DGLUCY: variants seen among roughly 807,000 people sequenced by gnomAD.
DGLUCY encodes D-glutamate cyclase, mitochondrial.
In DGLUCY, 58 loss-of-function variants were observed where a neutral mutation model predicts 58.5. The ratio of observed to expected loss-of-function variants is 0.99; its 90% CI spans 0.80 to 1.23. DGLUCY has a LOEUF of 1.23. DGLUCY is among the 50% of genes most tolerant of loss of function. The pLI is 0.00. For missense variants in DGLUCY, 779 were observed against 784.7 expected (o/e 0.99, Z 0.09); for synonymous variants, 325 against 314.1 (o/e 1.03, Z -0.37).
rs1367144932 is a variant in DGLUCY, at chr14:91,167,209, C to G, written c.104-16C>G. 2 of 1,565,644 alleles carry G rather than the reference C, an allele frequency of 1.3e-6. No homozygotes were observed. The highest frequency in any genetic ancestry group is 1.2e-5 in the South Asian group (1 of 84,198). On this transcript the variant is annotated splice_polypyrimidine_tract_variant and intron_variant, in intron 3 of 13. Coordinates refer to ENST00000256324, the MANE Select transcript of DGLUCY (RefSeq NM_001102368.3). ...ACCGCTGACTATACATTTTTCCCTT[C>G]TCCCACCATACCCAGAGCTCCGACC... is the stretch of plus-strand genomic sequence containing the variant.
At chr14:91,177,513 C>G (rs1566985827) in intron 7 of DGLUCY, among the ~76,000 whole-genome samples, 1 of 152,028 alleles carries the variant, frequency 6.6e-6, no homozygotes, top group South Asian at 2.1e-4. Flanking sequence ...TTTCCAAGGC[C>G]TAGGTGATAT....
chr14:91,123,623 G>A (rs2045516326), intron 1 of DGLUCY, among the ~76,000 whole-genome samples: 1 of 152,076 alleles, frequency 6.6e-6, no homozygotes, highest in Non-Finnish European at 1.5e-5. Context: ...GTCTCACTTT[G>A]TCCCTCAGGC....
intron 1 of DGLUCY, among the ~76,000 whole-genome samples, chr14:91,133,940 C>T (rs900655514): frequency 6.6e-6 from 1 of 152,176 alleles, no homozygotes; most frequent in Non-Finnish European, 1.5e-5. Context: ...TGTATAGCTT[C>T]TTTGGAGAAA....
chr14:91,146,571 C>T (rs767943682), intron 1 of DGLUCY, among the ~76,000 whole-genome samples: 6 of 152,148 alleles, frequency 3.9e-5, no homozygotes, highest in African/African-American at 9.7e-5. Flanking sequence ...CTGTGTCCCC[C>T]GGAGGAATGT....
In DGLUCY at chr14:91,170,150, G is replaced by C; in HGVS notation, c.405G>C (p.Ala135=). Residue 135 remains alanine, a synonymous_variant, in exon 5 of 14, where the codon GCG becomes GCC. Coordinates refer to ENST00000256324, the MANE Select transcript of DGLUCY (RefSeq NM_001102368.3). The part of the protein sequence containing the change: ...SFSLEEALEK[A]GLPRRDPAGH... ...CCCTGGAGGAGGCCTTGGAGAAAGC[G>C]GGGCTCCCCAGAAGAGACCCAGCAG... 6.2e-7 allele frequency: 1 copy of C among 1,613,606 alleles called. No individual in the cohort carries two copies. Among genetic ancestry groups the C allele is most frequent in the Non-Finnish European group, 8.5e-7 (1 of 1,180,030 alleles).
At chr14:91,177,537 C>G (rs1477843969) in intron 7 of DGLUCY, among the ~76,000 whole-genome samples, 1 of 152,208 alleles carries the variant, frequency 6.6e-6, no homozygotes, top group Non-Finnish European at 1.5e-5. Context: ...AATGAAGAGA[C>G]ACACGAGGGC....
At chr14:91,107,258 C>T (rs1213620254), upstream of DGLUCY, among the ~76,000 whole-genome samples, 1 of 152,110 alleles carries the variant, frequency 6.6e-6, no homozygotes, top group African/African-American at 2.4e-5. Flanking sequence ...GTGGCTCACA[C>T]CTGTAATCCC....
chr14:91,192,301 CAT>C (rs138512125), intron 9 of DGLUCY, among the ~76,000 whole-genome samples: 3,359 of 152,172 alleles, frequency 0.022, 79 homozygotes, highest in African/African-American at 0.057. Flanking sequence ...TAGGCAAACT[CAT>C]AGGGCAGAAA....
At chr14:91,170,456 C>T (rs1042428900) in intron 5 of DGLUCY, among the ~76,000 whole-genome samples, 1 of 152,212 alleles carries the variant, frequency 6.6e-6, no homozygotes, top group East Asian at 1.9e-4. Flanking sequence ...GTAAACCAAA[C>T]CTGCTTGGGA....
rs1399966725 is a variant in DGLUCY at position 91,091,187 on chromosome 14, AT to A, written c.-82+30485del. ...TACAATACAATATATAATACAATAC[AT>A]TCCTCTCCATAAATTCCTCTTCTGG... is the stretch of plus-strand genomic sequence containing the variant. On this transcript the variant is annotated intron_variant, in intron 1 of 4. Coordinates refer to the DGLUCY transcript ENST00000521334. 2.6e-5 allele frequency: 4 copies of A among 152,224 alleles called. No homozygotes were observed. In the East Asian group the frequency reaches 7.7e-4, roughly 29 times the overall value. 9.4% of individuals were successfully genotyped at this position (152,224 alleles called of 1,614,324 possible).
chr14:91,089,536 G>T (rs1019253718), intron 1 of DGLUCY, among the ~76,000 whole-genome samples: 1 of 152,072 alleles, frequency 6.6e-6, no homozygotes, highest in East Asian at 1.9e-4. Flanking sequence ...AGAATGAAAG[G>T]GGTGGCCGGG....
chr14:91,118,940 A>T (rs11850229), intron 1 of DGLUCY, among the ~76,000 whole-genome samples: 2,375 of 152,272 alleles, frequency 0.016, 77 homozygotes, highest in African/African-American at 0.055. Context: ...CAACATAGTG[A>T]GACCCTAAAA....
Position 91,128,200 on chromosome 14 carries a change from C to T in DGLUCY, c.-82+13917C>T, listed in dbSNP as rs142704213. 4.3e-3 allele frequency among the ~76,000 whole-genome samples: 643 copies of T among 151,076 alleles called. 14 individuals carry two copies. In the South Asian group the frequency reaches 0.064, roughly 15 times the overall value. ...ATGTTAAGAAAGATCCAGGCCGGTACGGTGGCTCACACCTATAATCCCAGC... is the reference window on the plus strand; with the variant it reads ...ATGTTAAGAAAGATCCAGGCCGGTATGGTGGCTCACACCTATAATCCCAGC... On this transcript the variant is annotated intron_variant, in intron 1 of 13. Transcript: ENST00000256324.
At chr14:91,208,139 TA>T (rs1475898299) in intron 12 of DGLUCY, among the ~76,000 whole-genome samples, 7 of 152,024 alleles carry the variant, frequency 4.6e-5, no homozygotes, top group Admixed American at 2.0e-4. Context: ...GCTTCAAAAA[TA>T]AAGGAGAAAT....
intron 7 of DGLUCY, among the ~76,000 whole-genome samples, chr14:91,180,311 C>A (rs1326920759): frequency 6.6e-6 from 1 of 151,854 alleles, no homozygotes; most frequent in African/African-American, 2.4e-5. Context: ...GTGGCTCACA[C>A]CTGTAATCCC....
chr14:91,176,182 A>G (rs2048842453), intron 7 of DGLUCY, 126 bp downstream of exon 7: 2 of 1,139,344 alleles, frequency 1.8e-6, no homozygotes, highest in Non-Finnish European at 2.4e-6. Context: ...AACACAAAAC[A>G]GAGGCCTACA....
intron 11 of DGLUCY, among the ~76,000 whole-genome samples, chr14:91,200,389 A>G (rs1038019697): frequency 4.6e-5 from 7 of 152,140 alleles, no homozygotes; most frequent in Non-Finnish European, 1.0e-4. Context: ...TAGAAATCCA[A>G]CATCCTCACA....
At chr14:91,094,451 A>C (rs894498366) in intron 1 of DGLUCY, among the ~76,000 whole-genome samples, 11 of 150,734 alleles carry the variant, frequency 7.3e-5, no homozygotes, top group Non-Finnish European at 1.2e-4. Flanking sequence ...AAAAAAAGCA[A>C]CTACAGCCCA....
In DGLUCY at chr14:91,155,169, A is replaced by G. The variant is rs116884123; in HGVS notation, c.-81-2470A>G. The stretch of plus-strand genomic sequence containing the variant: ...TATCTTTTCCTGGAAGACAGACACG[A>G]TGGTAGATGGTAATTATGCGTTTAA... On this transcript the variant is annotated intron_variant, in intron 1 of 13. Transcript: ENST00000256324. 5.2e-3 allele frequency among the ~76,000 whole-genome samples: 790 copies of G among 152,262 alleles called. 2 individuals are homozygous for G. The highest frequency in any genetic ancestry group is 7.7e-3 in the Non-Finnish European group (527 of 68,022).
Sources: gnomAD v4.1 joint callset for allele counts (sites outside exome capture counted in the v4.1 genomes callset) on GRCh38, gnomAD v4.1.1 for gene constraint, MANE v1.5 for transcripts, NCBI Gene and HGNC (gene_info 2026-07-23, HGNC 2026-07-21) for gene names.